The following SIMC1 variants were observed in gnomAD, a reference collection of about 807,000 sequenced individuals.
SIMC1 encodes the protein SUMO interacting motifs containing 1.
Under a neutral mutation model 82.3 loss-of-function variants are expected in SIMC1, and 55 were observed. That is an observed-to-expected ratio of 0.67 (90% confidence interval 0.54 to 0.84). SIMC1 has a LOEUF of 0.84. SIMC1 is among the 40% of genes least tolerant of loss of function. SIMC1 has a pLI of 0.00. For synonymous variants in SIMC1, 353 were observed against 426.3 expected, an observed-to-expected ratio of 0.83 and a Z score of 2.12; for missense variants, 915 against 1,107.2, an observed-to-expected ratio of 0.83 and a Z score of 2.46.
At chr5:176,313,481 T>C (rs187590792) in intron 4 of SIMC1, 4 of 1,551,724 alleles carry the variant, frequency 2.6e-6, no homozygotes, top group Non-Finnish European at 3.5e-6. Context: ...TGAAACCTTA[T>C]AAGGTATGAT....
Position 176,246,407 on chromosome 5 carries a change from GGTGTGT to G in SIMC1, c.129+7807_129+7812del, listed in dbSNP as rs57262987. Among the ~76,000 whole-genome samples, 645 of 137,044 alleles carry G rather than the reference GGTGTGT, an allele frequency of 4.7e-3. 3 individuals are homozygous for G. The highest frequency in any genetic ancestry group is 0.011 in the African/African-American group (422 of 36,744). The allele number at this position is 137,044 out of a possible 152,430, so 89.9% of individuals were successfully genotyped here. On this transcript the variant is annotated intron_variant, in intron 1 of 9. Transcript: ENST00000429602. ...CAATCAGCTTGTATAATAGTTCAGG[GGTGTGT>G]GTGTGTGTGTGTGTGTGTGTGTGTG...
At chr5:176,291,134 C>G (rs1763541729) in intron 2 of SIMC1, among the ~76,000 whole-genome samples, 179 bp downstream of exon 2, 1 of 150,186 alleles carries the variant, frequency 6.7e-6, no homozygotes, top group Non-Finnish European at 1.5e-5. Context: ...AAATTTTAGC[C>G]CCACGCTTAA....
At chr5:176,248,472 T>C (rs1430014830) in intron 1 of SIMC1, among the ~76,000 whole-genome samples, 1 of 152,170 alleles carries the variant, frequency 6.6e-6, no homozygotes, top group Non-Finnish European at 1.5e-5. Context: ...CCTGAGACTT[T>C]GCTGAAGTTG....
At chr5:176,274,889 A>G (rs761206287) in intron 1 of SIMC1, among the ~76,000 whole-genome samples, 12 of 151,912 alleles carry the variant, frequency 7.9e-5, no homozygotes, top group Admixed American at 2.6e-4. Context: ...GCCTTGTAGT[A>G]TAGTTTGAAG....
At chr5:176,313,638 T>C in intron 4 of SIMC1, 53 bp from the exon 5 acceptor site, 1 of 1,603,910 alleles carries the variant, frequency 6.2e-7, no homozygotes, top group Non-Finnish European at 8.5e-7. Flanking sequence ...CAATGTTGAC[T>C]GTCATCCAAG....
chr5:176,274,715 T>C (rs1762603796), intron 1 of SIMC1, among the ~76,000 whole-genome samples: 1 of 151,910 alleles, frequency 6.6e-6, no homozygotes, highest in Non-Finnish European at 1.5e-5. Context: ...GTTTCAGCTT[T>C]CTACATATGG....
At chr5:176,291,015 A>G (rs1323181844) in intron 2 of SIMC1, 60 bp downstream of exon 2, 1 of 1,078,866 alleles carries the variant, frequency 9.3e-7, no homozygotes, top group Non-Finnish European at 1.3e-6. Flanking sequence ...GGAGAAGGTC[A>G]GTGTGACTGG....
intron 7 of SIMC1, among the ~76,000 whole-genome samples, chr5:176,328,321 A>G (rs767665577): frequency 9.9e-5 from 15 of 152,172 alleles, no homozygotes; most frequent in Non-Finnish European, 2.2e-4. Context: ...CATTTGTTTA[A>G]AAAAGAAACA....
At chr5:176,299,697 C>A (rs1328548428) in intron 4 of SIMC1, among the ~76,000 whole-genome samples, 2 of 151,928 alleles carry the variant, frequency 1.3e-5, no homozygotes, top group Admixed American at 6.6e-5. Flanking sequence ...GATTCAGTAC[C>A]CCACTTTCAA....
intron 1 of SIMC1, among the ~76,000 whole-genome samples, chr5:176,269,228 T>C (rs1478982275): frequency 1.3e-5 from 2 of 151,624 alleles, no homozygotes; most frequent in Non-Finnish European, 2.9e-5. Context: ...ATAACAGAAA[T>C]AGATGAAATA....
At chr5:176,335,675 T>C (rs1456419738) in intron 7 of SIMC1, among the ~76,000 whole-genome samples, 2 of 152,150 alleles carry the variant, frequency 1.3e-5, no homozygotes. Flanking sequence ...CCTTTGTAGA[T>C]CTCTGAGTTT....
intron 4 of SIMC1, among the ~76,000 whole-genome samples, chr5:176,309,469 C>G (rs1023486148): frequency 2.6e-5 from 4 of 152,134 alleles, no homozygotes; most frequent in Non-Finnish European, 4.4e-5. Context: ...GGCTAGGTGA[C>G]AAGTTCTTGG....
chr5:176,252,730 G>C (rs1363028536), intron 1 of SIMC1, among the ~76,000 whole-genome samples: 5 of 152,220 alleles, frequency 3.3e-5, no homozygotes, highest in Non-Finnish European at 4.4e-5. Flanking sequence ...TCACTTCCCA[G>C]ATGGGGTGGC....
chr5:176,254,581 T>C (rs1299408740), intron 1 of SIMC1, among the ~76,000 whole-genome samples: 1 of 150,614 alleles, frequency 6.6e-6, no homozygotes, highest in East Asian at 1.9e-4. Flanking sequence ...TAGTTCAGTC[T>C]ACCAGTGTAT....
chr5:176,323,742 T>C (rs1170487768), intron 6 of SIMC1, among the ~76,000 whole-genome samples: 1 of 151,992 alleles, frequency 6.6e-6, no homozygotes, highest in East Asian at 1.9e-4. Flanking sequence ...ATCCCAGCAC[T>C]TTGGGAGGCC....
At chr5:176,334,461 A>G (rs1765799626) in intron 7 of SIMC1, among the ~76,000 whole-genome samples, 1 of 152,108 alleles carries the variant, frequency 6.6e-6, no homozygotes, top group Admixed American at 6.6e-5. Flanking sequence ...ATCTCTCCAC[A>G]CTGACTCCTT....
chr5:176,308,362 C>A, intron 4 of SIMC1: 1 of 1,558,644 alleles, frequency 6.4e-7, no homozygotes, highest in Non-Finnish European at 8.9e-7. Context: ...CTGTCTGCAG[C>A]TTCAACAGAG....
chr5:176,309,589 A>G (rs543189706), intron 4 of SIMC1, among the ~76,000 whole-genome samples: 3 of 152,374 alleles, frequency 2.0e-5, no homozygotes, highest in African/African-American at 7.2e-5. Flanking sequence ...ACAGATTGAA[A>G]TGAATTTGCA....
chr5:176,241,969 G>A (rs1249125273), intron 1 of SIMC1, among the ~76,000 whole-genome samples: 2 of 151,972 alleles, frequency 1.3e-5, no homozygotes, highest in East Asian at 3.8e-4. Context: ...AGCACATCCA[G>A]CATCACTAAG....
Sources: allele counts gnomAD v4.1 joint callset (sites outside exome capture counted in the v4.1 genomes callset), GRCh38; gene constraint gnomAD v4.1.1; transcripts MANE v1.5; gene names NCBI Gene and HGNC (gene_info 2026-07-23, HGNC 2026-07-21).